The following NIBAN1 variants were observed in gnomAD, a reference collection of about 807,000 sequenced individuals.
The protein encoded by NIBAN1 is niban apoptosis regulator 1, also known as protein Niban 1.
Under a neutral mutation model 75.1 loss-of-function variants are expected in NIBAN1, and 81 were observed. That is an observed-to-expected ratio of 1.08 (90% CI 0.90 to 1.30). The LOEUF is 1.30. Among genes scored for constraint, NIBAN1 ranks in the 50% most tolerant of loss-of-function variants. The pLI is 0.00. For missense variants in NIBAN1, 1,133 were observed against 1,128.1 expected, an observed-to-expected ratio of 1.00 and a Z score of -0.06; for synonymous variants, 436 against 424.8, an observed-to-expected ratio of 1.03 and a Z score of -0.32.
At chr1:184,863,333 A>C (rs1197071566) in intron 5 of NIBAN1, among the ~76,000 whole-genome samples, 1 of 152,230 alleles carries the variant, frequency 6.6e-6, no homozygotes, top group Non-Finnish European at 1.5e-5. Flanking sequence ...TTGAGGCTTC[A>C]CCTCTGATAT....
chr1:184,830,042 C>A (rs1240563455), intron 6 of NIBAN1, among the ~76,000 whole-genome samples: 1 of 152,182 alleles, frequency 6.6e-6, no homozygotes, highest in East Asian at 1.9e-4. Flanking sequence ...GGGTCACTAG[C>A]CCCCAGCACA....
At chr1:184,918,623 G>A (rs1300738992) in intron 1 of NIBAN1, among the ~76,000 whole-genome samples, 1 of 152,136 alleles carries the variant, frequency 6.6e-6, no homozygotes, top group African/African-American at 2.4e-5. Context: ...AAGTCAAATT[G>A]CAAGTCTACC....
At position 184,795,971 on chromosome 1, in the gene NIBAN1, G is replaced by C. The variant is rs779209638; in HGVS notation, c.1793C>G (p.Ala598Gly). 6.2e-7 allele frequency: 1 copy of C among 1,614,118 alleles called. No homozygotes were observed. The highest frequency in any genetic ancestry group is 1.7e-5 in the Admixed American group (1 of 60,026). The change falls in exon 14 of 14, where the codon GCC becomes GGC. Residue 598 changes from alanine to glycine, a missense_variant. Physicochemically the swap from Ala to Gly is moderately conservative, Grantham distance 60 (BLOSUM62 0). Transcript: ENST00000367511. ...PPTGSNQASP[A>G]RRASAILPGV... The stretch of plus-strand genomic sequence containing the variant: ...TGGCAGAATGGCAGAAGCTCTCCTG[G>C]CAGGGCTGGCCTGGTTTGACCCTGT...
At chr1:184,856,424 T>C (rs1232463290) in intron 5 of NIBAN1, among the ~76,000 whole-genome samples, 2 of 152,182 alleles carry the variant, frequency 1.3e-5, no homozygotes, top group African/African-American at 2.4e-5. Flanking sequence ...ATTTATTTAA[T>C]GAAAAATTCA....
Position 184,854,427 on chromosome 1 carries a change from C to T in NIBAN1, c.602-22465G>A, listed in dbSNP as rs148608237. On this transcript the variant is annotated intron_variant, in intron 5 of 13. Transcript: ENST00000367511. ...TTATCCAATAGAACAATCCCAGGAT[C>T]GGAATAATGCACAAAATTAAGGAAT... 9.2e-5 allele frequency among the ~76,000 whole-genome samples: 14 copies of T among 152,288 alleles called. No homozygotes were observed. The East Asian group carries it at 2.1e-3, about 23-fold the overall frequency.
rs1655012018 is a variant in NIBAN1, at chr1:184,831,956, A to G, written c.608T>C (p.Met203Thr). 6.2e-7 allele frequency: 1 copy of G among 1,612,098 alleles called. No individual in the cohort carries two copies. Among genetic ancestry groups the G allele is most frequent in the East Asian group, 2.2e-5 (1 of 44,886 alleles). ...DCVRHLNHDY[M>T]KQMTFEAQAF... ...TTGGGCTTCAAATGTCATCTGCTTCATGTAATCTAAAGAAAAGAAGAAAGG... is the reference window on the plus strand; with the variant it reads ...TTGGGCTTCAAATGTCATCTGCTTCGTGTAATCTAAAGAAAAGAAGAAAGG... Residue 203 changes from methionine (M) to threonine (T), a missense_variant, in exon 6 of 14, where the codon ATG becomes ACG. By Grantham distance (81) the Met-to-Thr change is moderately conservative. Coordinates refer to ENST00000367511, the MANE Select transcript of NIBAN1 (RefSeq NM_052966.4).
chr1:184,811,208 G>T (rs527856774), intron 9 of NIBAN1, among the ~76,000 whole-genome samples: 2 of 152,280 alleles, frequency 1.3e-5, no homozygotes, highest in African/African-American at 4.8e-5. Flanking sequence ...TATTGCAGGG[G>T]TTATAAAATT....
chr1:184,881,926 T>C (rs1176764714), intron 5 of NIBAN1, among the ~76,000 whole-genome samples: 1 of 152,186 alleles, frequency 6.6e-6, no homozygotes, highest in Non-Finnish European at 1.5e-5. Flanking sequence ...TCCTGTGACT[T>C]AGAATGCCTT....
chr1:184,965,873 GA>G (rs1360516599), intron 1 of NIBAN1, among the ~76,000 whole-genome samples: 2 of 152,170 alleles, frequency 1.3e-5, no homozygotes, highest in African/African-American at 4.8e-5. Context: ...TCAATTTGTA[GA>G]AAATACAGGA....
At chr1:184,948,732 T>C (rs915995066) in intron 1 of NIBAN1, among the ~76,000 whole-genome samples, 4 of 152,090 alleles carry the variant, frequency 2.6e-5, no homozygotes, top group Admixed American at 1.3e-4. Context: ...ATAAGGGAAA[T>C]GTTTACAATA....
intron 1 of NIBAN1, among the ~76,000 whole-genome samples, chr1:184,900,036 G>A (rs907229502): frequency 1.3e-5 from 2 of 151,832 alleles, no homozygotes; most frequent in Admixed American, 6.6e-5. Context: ...GGCTGGTCTC[G>A]AACTCCCAAC....
chr1:184,868,741 A>T (rs199932452), intron 5 of NIBAN1, among the ~76,000 whole-genome samples: 21 of 54,620 alleles, frequency 3.8e-4, no homozygotes, highest in East Asian at 1.0e-3. Context: ...GATTTTTTTT[A>T]AAAATATCAG....
At chr1:184,797,919 ATCCT>A (rs1571466450) in intron 13 of NIBAN1, among the ~76,000 whole-genome samples, 156 bp downstream of exon 13, 1 of 152,096 alleles carries the variant, frequency 6.6e-6, no homozygotes, top group East Asian at 1.9e-4. Flanking sequence ...CAAGGTTAGT[ATCCT>A]TCCTTCTTTC....
intron 1 of NIBAN1, among the ~76,000 whole-genome samples, chr1:184,918,782 C>A (rs1353927493): frequency 6.6e-6 from 1 of 152,194 alleles, no homozygotes; most frequent in Non-Finnish European, 1.5e-5. Context: ...CATGCCCTCT[C>A]TCTCCAGTAT....
chr1:184,945,215 A>G (rs2102055396), intron 1 of NIBAN1, among the ~76,000 whole-genome samples: 1 of 152,356 alleles, frequency 6.6e-6, no homozygotes, highest in East Asian at 1.9e-4. Flanking sequence ...AGAGGAAGTA[A>G]CCAGGGGAAC....
In NIBAN1 at chr1:184,811,313, G is replaced by T. The variant is rs1654369622; in HGVS notation, c.1174-3078C>A. The stretch of plus-strand genomic sequence containing the variant: ...GGAAAAATCATTGGCTAAGTTAAGA[G>T]AACCTGGGAGTAAAGCCAATATTTT... On this transcript the variant is annotated intron_variant, in intron 9 of 13. Transcript: ENST00000367511. Among the ~76,000 whole-genome samples, 5 of 152,252 alleles carry T rather than the reference G, an allele frequency of 3.3e-5. No homozygotes were observed. In the South Asian group the frequency reaches 1.0e-3, roughly 32 times the overall value.
intron 3 of NIBAN1, among the ~76,000 whole-genome samples, chr1:184,891,114 T>C (rs764661575): frequency 6.6e-6 from 1 of 152,168 alleles, no homozygotes; most frequent in Non-Finnish European, 1.5e-5. Flanking sequence ...TCTGCAGCAA[T>C]AAGATAGTGA....
rs1042309469 is a variant in NIBAN1, at chr1:184,910,386, G to A, written c.56-11077C>T. ...TCTAGAGCTGGATGGGATCACAATC[G>A]TCCTTTCCAATGCTCTCCTATTTTC... On this transcript the variant is annotated intron_variant, in intron 1 of 13. Transcript: ENST00000367511. Among the ~76,000 whole-genome samples the A allele has an allele frequency of 5.9e-5, 9 of 151,990 alleles. No individual in the cohort carries two copies. In the South Asian group the frequency reaches 8.3e-4, roughly 14 times the overall value.
intron 1 of NIBAN1, among the ~76,000 whole-genome samples, chr1:184,911,677 C>T (rs1457960521): frequency 6.6e-6 from 1 of 152,140 alleles, no homozygotes; most frequent in African/African-American, 2.4e-5. Context: ...TGAACCAGTC[C>T]CATCATCTGC....
Sources: gnomAD v4.1 joint callset for allele counts (sites outside exome capture counted in the v4.1 genomes callset) on GRCh38, gnomAD v4.1.1 for gene constraint, MANE v1.5 for transcripts, NCBI Gene and HGNC (gene_info 2026-07-23, HGNC 2026-07-21) for gene names.